The following TRPC6 variants were observed in gnomAD, a reference collection of about 807,000 sequenced individuals.
The protein encoded by TRPC6 is transient receptor potential cation channel subfamily C member 6.
In TRPC6, 55 loss-of-function variants were observed where a neutral mutation model predicts 90.7. That is an observed-to-expected ratio of 0.61 (90% confidence interval 0.49 to 0.76). The LOEUF is 0.76. Ranked by LOEUF, TRPC6 falls within the 30% of genes least tolerant of loss-of-function variation. TRPC6 has a pLI of 0.00. For missense variants in TRPC6, 989 were observed against 1,122.7 expected (o/e 0.88, Z 1.70); for synonymous variants, 393 against 393.0 (o/e 1.00, Z 0.00).
chr11:101,480,992 TTATGCCAC>T lies in TRPC6; in HGVS notation c.1510+1949_1510+1956del, dbSNP rs149581088. On this transcript the variant is annotated intron_variant, in intron 5 of 12. Transcript: ENST00000344327. ...TTACTTTGGTGATACAATTCACATT[TTATGCCAC>T]TATCCATATTTTTCCCTAAAACATA... Among the ~76,000 whole-genome samples the T allele has an allele frequency of 8.4e-3, 1,276 of 152,354 alleles. 9 individuals are homozygous for T. Among genetic ancestry groups the T allele is most frequent in the African/African-American group, 0.029 (1,216 of 41,578 alleles).
intron 1 of TRPC6, among the ~76,000 whole-genome samples, chr11:101,542,942 C>A (rs1220533135): frequency 1.3e-5 from 2 of 151,912 alleles, no homozygotes; most frequent in Non-Finnish European, 2.9e-5. Context: ...GTAAACAGTT[C>A]TTCATTAAAA....
At chr11:101,492,571 A>G (rs1859854764) in intron 2 of TRPC6, among the ~76,000 whole-genome samples, 1 of 134,492 alleles carries the variant, frequency 7.4e-6, no homozygotes, top group Non-Finnish European at 1.6e-5. Flanking sequence ...CAACAAAGCG[A>G]GACCCTGTCT....
At chr11:101,458,466 G>T (rs544313842) in intron 10 of TRPC6, among the ~76,000 whole-genome samples, 1 of 152,314 alleles carries the variant, frequency 6.6e-6, no homozygotes, top group Admixed American at 6.5e-5. Context: ...AGTTATTCAA[G>T]AAGTTATCTG....
chr11:101,483,180 A>AC lies in TRPC6; in HGVS notation c.1294-16dup, dbSNP rs1346387675. 2 of 1,613,608 alleles carry AC rather than the reference A, an allele frequency of 1.2e-6. No homozygotes were observed. Among genetic ancestry groups the AC allele is most frequent in the Non-Finnish European group, 1.7e-6 (2 of 1,179,728 alleles). ...ATCTTCCCCATCTGCCACAACACAC[A>AC]CCAAAATAAAATCTTAACTTTGTTT... On this transcript the variant is annotated splice_polypyrimidine_tract_variant and intron_variant, in intron 4 of 12. Coordinates refer to ENST00000344327, the MANE Select transcript of TRPC6 (RefSeq NM_004621.6).
At chr11:101,478,551 TC>T (rs1859468490) in intron 5 of TRPC6, among the ~76,000 whole-genome samples, 2 of 152,110 alleles carry the variant, frequency 1.3e-5, no homozygotes, top group Non-Finnish European at 2.9e-5. Context: ...AATGATGTCT[TC>T]CTGAAGCTTA....
intron 2 of TRPC6, among the ~76,000 whole-genome samples, chr11:101,502,963 A>ACGGAG: frequency 7.4e-6 from 1 of 134,744 alleles, no homozygotes; most frequent in Admixed American, 7.5e-5. Context: ...TTCTCTCAGC[A>ACGGAG]TATAGAAAAA....
At chr11:101,559,864 T>C (rs1029930936) in intron 1 of TRPC6, among the ~76,000 whole-genome samples, 5 of 141,846 alleles carry the variant, frequency 3.5e-5, no homozygotes, top group African/African-American at 7.9e-5. Context: ...AATTCCCACC[T>C]ATGAGGGAGA....
At chr11:101,488,670 T>C (rs1859733277) in intron 4 of TRPC6, among the ~76,000 whole-genome samples, 1 of 152,202 alleles carries the variant, frequency 6.6e-6, no homozygotes, top group African/African-American at 2.4e-5. Context: ...TGAGTATCCT[T>C]TCACACATTA....
intron 1 of TRPC6, among the ~76,000 whole-genome samples, chr11:101,540,792 T>C (rs1293929689): frequency 6.6e-6 from 1 of 152,218 alleles, no homozygotes; most frequent in African/African-American, 2.4e-5. Context: ...ACATTCCTTA[T>C]TTGACCACCA....
intron 1 of TRPC6, among the ~76,000 whole-genome samples, chr11:101,569,654 T>C (rs999554290): frequency 1.3e-5 from 2 of 152,074 alleles, no homozygotes; most frequent in East Asian, 1.9e-4. Context: ...AGAATGGAAA[T>C]CATAACAAAC....
intron 10 of TRPC6, among the ~76,000 whole-genome samples, chr11:101,466,645 G>A (rs1298294424): frequency 8.5e-5 from 13 of 152,194 alleles, no homozygotes; most frequent in Non-Finnish European, 1.0e-4. Context: ...GCTGGGCTCC[G>A]TGGGGGTGGG....
At chr11:101,485,111 C>A (rs1018561043) in intron 4 of TRPC6, among the ~76,000 whole-genome samples, 1 of 131,928 alleles carries the variant, frequency 7.6e-6, no homozygotes, top group African/African-American at 2.8e-5. Flanking sequence ...CCCACATATA[C>A]AGAGGGCCAA....
rs200144077 is a variant in TRPC6, at chr11:101,483,144, G to C, written c.1315C>G (p.Pro439Ala). ...GCGTGTGCTACAAACTTCATGAATG[G>C]TCCACGCATTATCTTCCCCATCTGC... Reference protein sequence around the residue: ...CSKMGKIMRGPFMKFVAHAAS... With the variant: ...CSKMGKIMRGAFMKFVAHAAS... Residue 439 changes from proline (P) to alanine (A), a missense_variant, in exon 5 of 13, where the codon CCA becomes GCA. Coordinates refer to ENST00000344327, the MANE Select transcript of TRPC6 (RefSeq NM_004621.6). 6.2e-7 allele frequency: 1 copy of C among 1,613,960 alleles called. No homozygotes were observed. The highest frequency in any genetic ancestry group is 1.1e-5 in the South Asian group (1 of 91,080).
intron 1 of TRPC6, among the ~76,000 whole-genome samples, chr11:101,542,794 A>G (rs1861206101): frequency 6.6e-6 from 1 of 152,040 alleles, no homozygotes; most frequent in Admixed American, 6.6e-5. Context: ...ACACATCTAA[A>G]CAGATTAAAA....
intron 1 of TRPC6, among the ~76,000 whole-genome samples, chr11:101,531,093 C>T (rs1222722387): frequency 6.6e-6 from 1 of 152,172 alleles, no homozygotes; most frequent in Non-Finnish European, 1.5e-5. Flanking sequence ...TGCATACACA[C>T]ACATACACAC....
chr11:101,557,895 T>C (rs553967674), intron 1 of TRPC6, among the ~76,000 whole-genome samples: 1 of 152,266 alleles, frequency 6.6e-6, no homozygotes, highest in Non-Finnish European at 1.5e-5. Context: ...AGATATTCCA[T>C]GTTCATAGAT....
At chr11:101,507,903 T>G (rs758138515) in intron 1 of TRPC6, among the ~76,000 whole-genome samples, 4 of 152,146 alleles carry the variant, frequency 2.6e-5, no homozygotes, top group Non-Finnish European at 4.4e-5. Flanking sequence ...TTTCTGGAAC[T>G]CCTTCTTTTT....
chr11:101,513,612 G>T (rs1400921752), intron 1 of TRPC6, among the ~76,000 whole-genome samples: 1 of 152,072 alleles, frequency 6.6e-6, no homozygotes. Flanking sequence ...TTTTGATGAT[G>T]GGTAACCACG....
intron 4 of TRPC6, 65 bp from the exon 5 acceptor site, chr11:101,483,230 C>T (rs1859595331): frequency 2.0e-6 from 3 of 1,510,000 alleles, no homozygotes; most frequent in Admixed American, 3.4e-5. Flanking sequence ...AACACACATA[C>T]ATACATGCAA....
Sources: gnomAD v4.1 joint callset for allele counts (sites outside exome capture counted in the v4.1 genomes callset) on GRCh38, gnomAD v4.1.1 for gene constraint, MANE v1.5 for transcripts, NCBI Gene and HGNC (gene_info 2026-07-23, HGNC 2026-07-21) for gene names.